FHIT: variants seen among roughly 807,000 people sequenced by gnomAD.
The protein encoded by FHIT is fragile histidine triad diadenosine triphosphatase.
Under a neutral mutation model 17.9 loss-of-function variants are expected in FHIT, and 19 were observed. The ratio of observed to expected loss-of-function variants is 1.06; its 90% CI spans 0.74 to 1.56. The LOEUF (loss-of-function observed/expected upper bound fraction) is 1.56, where lower values mean the gene tolerates loss of function less well. Ranked by LOEUF, FHIT falls within the 40% of genes most tolerant of loss-of-function variation. The pLI, the probability that FHIT is intolerant of heterozygous loss-of-function variation, is 0.00. For synonymous variants in FHIT, 81 were observed against 69.7 expected (o/e 1.16, Z -0.81); for missense variants, 248 against 189.2 (o/e 1.31, Z -1.82).
intron 4 of FHIT, among the ~76,000 whole-genome samples, chr3:60,619,475 A>G (rs949827495): frequency 2.6e-5 from 4 of 152,076 alleles, no homozygotes; most frequent in Admixed American, 2.6e-4. Flanking sequence ...AAGAGTTAGA[A>G]CAAAGCTATA....
intron 8 of FHIT, among the ~76,000 whole-genome samples, chr3:59,781,657 C>A (rs1702589098): frequency 6.6e-6 from 1 of 152,234 alleles, no homozygotes; most frequent in African/African-American, 2.4e-5. Context: ...TTTCATCCTG[C>A]TAATGCATTT....
At chr3:59,843,602 A>C (rs1414575226) in intron 8 of FHIT, among the ~76,000 whole-genome samples, 1 of 152,180 alleles carries the variant, frequency 6.6e-6, no homozygotes, top group African/African-American at 2.4e-5. Flanking sequence ...TACAGTTTTC[A>C]CTGTACAAGT....
At chr3:61,002,839 T>C (rs1320750260) in intron 3 of FHIT, among the ~76,000 whole-genome samples, 1 of 152,150 alleles carries the variant, frequency 6.6e-6, no homozygotes, top group African/African-American at 2.4e-5. Context: ...TAACCTCTCC[T>C]ACTCCCGGCC....
chr3:60,005,453 C>G (rs571529027), intron 7 of FHIT, among the ~76,000 whole-genome samples: 1 of 151,896 alleles, frequency 6.6e-6, no homozygotes, highest in African/African-American at 2.4e-5. Flanking sequence ...TCACCAGGAG[C>G]GGGAGAGGGA....
intron 5 of FHIT, among the ~76,000 whole-genome samples, chr3:60,422,027 A>C (rs1352780956): frequency 2.0e-5 from 3 of 152,168 alleles, no homozygotes; most frequent in African/African-American, 7.2e-5. Context: ...GAGAGCTCTT[A>C]GGCAGTGTGA....
intron 5 of FHIT, among the ~76,000 whole-genome samples, chr3:60,473,721 C>T (rs1576718154): frequency 6.6e-6 from 1 of 152,080 alleles, no homozygotes; most frequent in Admixed American, 6.6e-5. Flanking sequence ...GAGTTCGAGA[C>T]CAGCCTGGGC....
chr3:60,612,568 A>G (rs368502761), intron 4 of FHIT, among the ~76,000 whole-genome samples: 5 of 152,228 alleles, frequency 3.3e-5, no homozygotes, highest in African/African-American at 1.2e-4. Context: ...TCTATTGCTT[A>G]AAAACATTTG....
At chr3:60,197,462 C>A (rs1299632804) in intron 5 of FHIT, among the ~76,000 whole-genome samples, 1 of 152,118 alleles carries the variant, frequency 6.6e-6, no homozygotes, top group Non-Finnish European at 1.5e-5. Flanking sequence ...TTTAACAGTA[C>A]TGGATTAAAA....
chr3:61,155,158 G>A (rs2037499495), intron 2 of FHIT, among the ~76,000 whole-genome samples: 1 of 152,132 alleles, frequency 6.6e-6, no homozygotes, highest in South Asian at 2.1e-4. Flanking sequence ...TGGAGCAGCT[G>A]GTTTCTTTCA....
chr3:60,469,747 C>T (rs532226520), intron 5 of FHIT, among the ~76,000 whole-genome samples: 8 of 152,268 alleles, frequency 5.3e-5, no homozygotes, highest in South Asian at 2.1e-4. Flanking sequence ...TAGGTATTCA[C>T]TGTAGTCTTT....
chr3:60,013,845 A>C (rs1700231788), intron 6 of FHIT, among the ~76,000 whole-genome samples, 162 bp downstream of exon 6: 1 of 152,160 alleles, frequency 6.6e-6, no homozygotes, highest in Admixed American at 6.5e-5. Flanking sequence ...CTTGGGGCCA[A>C]TGGACAGTAG....
intron 8 of FHIT, among the ~76,000 whole-genome samples, chr3:59,763,081 CTG>C (rs1411377487): frequency 6.6e-6 from 1 of 152,184 alleles, no homozygotes; most frequent in Non-Finnish European, 1.5e-5. Flanking sequence ...TTAAGCAAGA[CTG>C]TTCTCCTTTA....
chr3:60,628,082 T>C (rs1396335634), intron 4 of FHIT, among the ~76,000 whole-genome samples: 1 of 152,236 alleles, frequency 6.6e-6, no homozygotes, highest in Non-Finnish European at 1.5e-5. Context: ...ATACAGGTAC[T>C]TAAGCTATAT....
At chr3:60,150,932 GGATTT>G (rs1197895840) in intron 5 of FHIT, among the ~76,000 whole-genome samples, 3 of 149,212 alleles carry the variant, frequency 2.0e-5, no homozygotes, top group Non-Finnish European at 4.4e-5. Flanking sequence ...AAAAAAAAAA[GGATTT>G]AATTTTTAAA....
chr3:61,079,581 G>T (rs561587177), intron 2 of FHIT, among the ~76,000 whole-genome samples: 5 of 152,272 alleles, frequency 3.3e-5, no homozygotes, highest in Admixed American at 2.0e-4. Context: ...TTTATTACAA[G>T]TATATACTTT....
intron 4 of FHIT, among the ~76,000 whole-genome samples, chr3:60,663,457 C>T (rs112686218): frequency 0.012 from 1,873 of 151,596 alleles, 42 homozygotes; most frequent in African/African-American, 0.043. Context: ...ATTTCTGAGA[C>T]GGAATTTCAC....
intron 4 of FHIT, among the ~76,000 whole-genome samples, chr3:60,809,347 G>A (rs1701499056): frequency 1.3e-5 from 2 of 152,030 alleles, no homozygotes; most frequent in Admixed American, 6.6e-5. Context: ...AAAGATTAAA[G>A]AGGCAATAGA....
intron 6 of FHIT, among the ~76,000 whole-genome samples, chr3:60,011,975 C>T (rs1265208382): frequency 1.3e-5 from 2 of 152,086 alleles, no homozygotes; most frequent in Non-Finnish European, 2.9e-5. Context: ...AAGTCACCAG[C>T]CATAATATAA....
At chr3:60,919,765 G>A (rs782056419) in intron 3 of FHIT, among the ~76,000 whole-genome samples, 1 of 152,206 alleles carries the variant, frequency 6.6e-6, no homozygotes, top group Non-Finnish European at 1.5e-5. Context: ...GCCAGGCGCA[G>A]TGGCTCATGC....
Sources: gnomAD v4.1 joint callset for allele counts (sites outside exome capture counted in the v4.1 genomes callset) on GRCh38, gnomAD v4.1.1 for gene constraint, MANE v1.5 for transcripts, NCBI Gene and HGNC (gene_info 2026-07-23, HGNC 2026-07-21) for gene names.